RYK: variants seen among roughly 807,000 people sequenced by gnomAD.
RYK encodes the protein inactive tyrosine-protein kinase RYK.
In RYK, 21 loss-of-function variants were observed where a neutral mutation model predicts 70.2. That is an observed-to-expected ratio of 0.30 (90% CI 0.21 to 0.43). The LOEUF is 0.43. Ranked by LOEUF, RYK falls within the 20% of genes least tolerant of loss-of-function variation. The pLI is 1.00. For missense variants in RYK, 604 were observed against 753.3 expected (o/e 0.80, Z 2.32); for synonymous variants, 267 against 278.0 (o/e 0.96, Z 0.39).
intron 7 of RYK, among the ~76,000 whole-genome samples, chr3:134,193,441 C>T (rs925881373): frequency 2.0e-5 from 3 of 152,222 alleles, no homozygotes; most frequent in African/African-American, 7.2e-5. Flanking sequence ...CCTTGGCCTC[C>T]CAAAGTGGTG....
At chr3:134,181,031 T>C (rs2013277054) in intron 10 of RYK, 1 of 152,230 alleles carries the variant, frequency 6.6e-6, no homozygotes, top group Non-Finnish European at 1.5e-5. Flanking sequence ...TGAGCATTTT[T>C]CAGCCAAGAC....
At chr3:134,211,792 C>T (rs2014404983) in intron 2 of RYK, among the ~76,000 whole-genome samples, 185 bp from the exon 3 acceptor site, 1 of 152,128 alleles carries the variant, frequency 6.6e-6, no homozygotes, top group African/African-American at 2.4e-5. Context: ...AAAAATTCAA[C>T]CAAGTAAGCC....
intron 2 of RYK, among the ~76,000 whole-genome samples, chr3:134,216,073 AG>A (rs1445370376): frequency 1.3e-5 from 2 of 151,876 alleles, no homozygotes; most frequent in African/African-American, 2.4e-5. Context: ...ATAAAAGGAA[AG>A]GAAAAAAAAA....
chr3:134,190,447 A>G (rs988566191), intron 8 of RYK, among the ~76,000 whole-genome samples: 1 of 152,220 alleles, frequency 6.6e-6, no homozygotes, highest in African/African-American at 2.4e-5. Context: ...ATATTACTTT[A>G]CCACAATGTT....
At chr3:134,248,106 T>C (rs1249340094) in intron 1 of RYK, among the ~76,000 whole-genome samples, 1 of 152,164 alleles carries the variant, frequency 6.6e-6, no homozygotes, top group African/African-American at 2.4e-5. Flanking sequence ...AAAGGTAGAA[T>C]GTATGAGGGA....
chr3:134,246,303 T>TACAC lies in RYK; in HGVS notation c.232+4116_232+4119dup, dbSNP rs71139521. Among the ~76,000 whole-genome samples, 99 of 89,196 alleles carry TACAC rather than the reference T, an allele frequency of 1.1e-3. 1 individual carries two copies. Among genetic ancestry groups the TACAC allele is most frequent in the African/African-American group, 3.0e-3 (75 of 25,212 alleles). 58.5% of individuals were successfully genotyped at this position (89,196 alleles called of 152,430 possible). On this transcript the variant is annotated intron_variant, in intron 1 of 14. Transcript: ENST00000623711. ...AACCAACAGACATCTCAGAAAGAAA[T>TACAC]ACACACACACACACACACACACACA...
At chr3:134,193,892 T>G (rs781381163) in intron 7 of RYK, among the ~76,000 whole-genome samples, 4 of 152,136 alleles carry the variant, frequency 2.6e-5, no homozygotes, top group African/African-American at 7.2e-5. Context: ...GGTTAACTTG[T>G]AGGGGGTGCA....
At chr3:134,237,468 AACT>A (rs1276682543) in intron 1 of RYK, among the ~76,000 whole-genome samples, 1 of 152,170 alleles carries the variant, frequency 6.6e-6, no homozygotes, top group African/African-American at 2.4e-5. Context: ...GATAAAAGTC[AACT>A]ACATCAAAGA....
chr3:134,188,168 T>TATATATA (rs1553770174), intron 9 of RYK, among the ~76,000 whole-genome samples: 18 of 77,328 alleles, frequency 2.3e-4, no homozygotes, highest in African/African-American at 8.0e-4. Context: ...TATATATATA[T>TATATATA]TTTTTTTTTT....
chr3:134,160,786 C>T (rs906752095), intron 13 of RYK, among the ~76,000 whole-genome samples: 3 of 152,086 alleles, frequency 2.0e-5, no homozygotes, highest in Non-Finnish European at 4.4e-5. Flanking sequence ...ACCCGGGAGG[C>T]GGAGGTTGCG....
chr3:134,224,455 T>A, intron 1 of RYK, among the ~76,000 whole-genome samples: 1 of 152,214 alleles, frequency 6.6e-6, no homozygotes, highest in East Asian at 1.9e-4. Context: ...GTGTACAGGA[T>A]GGAACATGAA....
At chr3:134,158,364 T>C in intron 14 of RYK, 100 bp from the exon 15 acceptor site, 1 of 519,636 alleles carries the variant, frequency 1.9e-6, no homozygotes, top group South Asian at 5.8e-5. Context: ...TAAAGGTGGG[T>C]ATGGAGAGGA....
chr3:134,160,012 G>A (rs988621739), intron 13 of RYK, among the ~76,000 whole-genome samples: 7 of 152,058 alleles, frequency 4.6e-5, no homozygotes, highest in African/African-American at 1.4e-4. Context: ...GAGCGTGCAG[G>A]GGGCGGGGGG....
At chr3:134,196,625 ACACG>A (rs2013823349) in intron 6 of RYK, among the ~76,000 whole-genome samples, 2 of 141,954 alleles carry the variant, frequency 1.4e-5, no homozygotes, top group Admixed American at 7.2e-5. Context: ...ACACACACAC[ACACG>A]GCTGCTATGT....
At chr3:134,187,181 T>C (rs531561523) in intron 9 of RYK, among the ~76,000 whole-genome samples, 1 of 152,336 alleles carries the variant, frequency 6.6e-6, no homozygotes, top group South Asian at 2.1e-4. Flanking sequence ...GATGTATTTG[T>C]AGCAGCCTTA....
chr3:134,247,225 G>C (rs2015489148), intron 1 of RYK, among the ~76,000 whole-genome samples: 1 of 152,142 alleles, frequency 6.6e-6, no homozygotes, highest in Non-Finnish European at 1.5e-5. Context: ...GGATTTAAGA[G>C]AGAAATGAGA....
In RYK at chr3:134,189,025, A is replaced by G. The variant is rs1388930506; in HGVS notation, c.1016-102T>C. 3.2e-5 allele frequency: 21 copies of G among 651,086 alleles called. No individual in the cohort carries two copies. The East Asian group carries it at 4.2e-4, about 13-fold the overall frequency. The allele number at this position is 651,086 out of a possible 1,614,324, so 40.3% of individuals were successfully genotyped here. A position where few individuals can be genotyped will look rare whatever the true frequency, so the allele number is the denominator to read the frequency against. On this transcript the variant is annotated intron_variant, in intron 8 of 14. Coordinates refer to ENST00000623711, the MANE Select transcript of RYK (RefSeq NM_002958.4). ...AACATAAAACAAAAATAACAAGGTC[A>G]TATGTGATCAACATTACTGTAGCCC...
rs369938803 is a variant in RYK at position 134,233,719 on chromosome 3, G to T, written c.233-11180C>A. On this transcript the variant is annotated intron_variant, in intron 1 of 14. Coordinates refer to ENST00000623711, the MANE Select transcript of RYK (RefSeq NM_002958.4). ...CCTGTTCATCTCTCTAACATATTAG[G>T]CTTCTTTGAAGACAGGTTTTAATGA... Among the ~76,000 whole-genome samples, 4 of 152,182 alleles carry T rather than the reference G, an allele frequency of 2.6e-5. No individual in the cohort carries two copies. In the South Asian group the frequency reaches 8.3e-4, roughly 32 times the overall value.
At chr3:134,209,613 T>G (rs2107678719) in intron 4 of RYK, 82 bp downstream of exon 4, 2 of 1,074,112 alleles carry the variant, frequency 1.9e-6, no homozygotes, top group East Asian at 6.1e-5. Flanking sequence ...TGGACATACT[T>G]AAATCTGTGA....
Sources: gnomAD v4.1 joint callset for allele counts (sites outside exome capture counted in the v4.1 genomes callset) on GRCh38, gnomAD v4.1.1 for gene constraint, MANE v1.5 for transcripts, NCBI Gene and HGNC (gene_info 2026-07-23, HGNC 2026-07-21) for gene names.